KIF2A: variants seen among roughly 807,000 people sequenced by gnomAD.
KIF2A encodes the protein kinesin-like protein KIF2A.
A neutral mutation model predicts 100.2 loss-of-function variants in KIF2A; 22 were observed. The ratio of observed to expected loss-of-function variants is 0.22; its 90% CI spans 0.16 to 0.31. KIF2A has a LOEUF of 0.31. KIF2A is among the 10% of genes least tolerant of loss of function. The pLI is 1.00. For synonymous variants in KIF2A, 268 were observed against 285.9 expected (o/e 0.94, Z 0.63); for missense variants, 495 against 898.7 (o/e 0.55, Z 5.74).
intron 17 of KIF2A, 65 bp from the exon 18 acceptor site, chr5:62,373,622 G>T (rs1056310269): frequency 2.6e-5 from 30 of 1,146,666 alleles, no homozygotes; most frequent in Non-Finnish European, 3.8e-5. Flanking sequence ...TATTGAATAG[G>T]CTGGTATTTT....
At chr5:62,331,600 A>C (rs1277140115) in intron 1 of KIF2A, among the ~76,000 whole-genome samples, 3 of 152,194 alleles carry the variant, frequency 2.0e-5, no homozygotes, top group Non-Finnish European at 2.9e-5. Flanking sequence ...AAGAAAAAAA[A>C]CAAAATTATA....
At chr5:62,333,294 C>T (rs1443662815) in intron 1 of KIF2A, among the ~76,000 whole-genome samples, 1 of 152,140 alleles carries the variant, frequency 6.6e-6, no homozygotes, top group African/African-American at 2.4e-5. Context: ...GATTGGGGAG[C>T]TATTCTGCAG....
chr5:62,380,145 C>A (rs969036088), intron 19 of KIF2A, among the ~76,000 whole-genome samples: 15 of 152,208 alleles, frequency 9.9e-5, no homozygotes, highest in Non-Finnish European at 2.1e-4. Context: ...CCACTTGCCT[C>A]AGCCTTCTGA....
At chr5:62,372,590 C>CT (rs1444890712) in intron 17 of KIF2A, 39 bp downstream of exon 17, 1 of 1,125,918 alleles carries the variant, frequency 8.9e-7, no homozygotes, top group Non-Finnish European at 1.3e-6. Flanking sequence ...TATTTGTATA[C>CT]TTTCTTTTGA....
intron 18 of KIF2A, 29 bp from the exon 19 acceptor site, chr5:62,377,632 C>T: frequency 1.6e-6 from 2 of 1,250,230 alleles, no homozygotes; most frequent in Non-Finnish European, 2.2e-6. Context: ...CACACTATAT[C>T]ATAATTTCTT....
chr5:62,336,839 G>A (rs1176001299), intron 1 of KIF2A, among the ~76,000 whole-genome samples: 1 of 152,138 alleles, frequency 6.6e-6, no homozygotes, highest in Non-Finnish European at 1.5e-5. Context: ...ACGAAGTCAG[G>A]TTTATTCTTG....
intron 6 of KIF2A, among the ~76,000 whole-genome samples, 163 bp from the exon 7 acceptor site, chr5:62,354,996 C>T (rs1034541100): frequency 6.6e-6 from 1 of 152,058 alleles, no homozygotes; most frequent in African/African-American, 2.4e-5. Flanking sequence ...TGGTTCAGAG[C>T]TTATTATGAA....
chr5:62,368,082 G>A (rs1741161061), intron 16 of KIF2A, among the ~76,000 whole-genome samples: 1 of 151,974 alleles, frequency 6.6e-6, no homozygotes, highest in Non-Finnish European at 1.5e-5. Context: ...TTAATTAAAT[G>A]GATAATGGAT....
chr5:62,340,593 C>CG (rs398108990), intron 1 of KIF2A, among the ~76,000 whole-genome samples: 1 of 151,832 alleles, frequency 6.6e-6, no homozygotes, highest in African/African-American at 2.4e-5. Flanking sequence ...TGTTCTCCCC[C>CG]TAGTGGCATC....
At chr5:62,327,595 C>T (rs1466672941) in intron 1 of KIF2A, among the ~76,000 whole-genome samples, 2 of 152,250 alleles carry the variant, frequency 1.3e-5, no homozygotes, top group African/African-American at 2.4e-5. Context: ...AAACCAAACT[C>T]ATAATCTGAC....
chr5:62,356,503 C>T (rs1748113174), intron 7 of KIF2A, among the ~76,000 whole-genome samples: 1 of 152,136 alleles, frequency 6.6e-6, no homozygotes, highest in Non-Finnish European at 1.5e-5. Flanking sequence ...AAATTAGACC[C>T]ACAGGCCATA....
At chr5:62,323,658 T>C (rs1034094627) in intron 1 of KIF2A, among the ~76,000 whole-genome samples, 2 of 152,206 alleles carry the variant, frequency 1.3e-5, no homozygotes, top group Non-Finnish European at 2.9e-5. Context: ...GAAGTGGCAG[T>C]GGGATTGGCC....
In KIF2A at chr5:62,362,463, T is replaced by C; in HGVS notation, c.1041T>C (p.Phe347=). 1 of 1,443,002 alleles carries C rather than the reference T, an allele frequency of 6.9e-7. No individual in the cohort carries two copies. The highest frequency in any genetic ancestry group is 1.6e-5 in the South Asian group (1 of 61,554). The allele number at this position is 1,443,002 out of a possible 1,614,324, so 89.4% of individuals were successfully genotyped here. Residue 347 remains phenylalanine (F), a synonymous_variant, in exon 12 of 21, where the codon TTT becomes TTC. Coordinates refer to ENST00000407818, the MANE Select transcript of KIF2A (RefSeq NM_001098511.3). Reference sequence around the variant, plus strand: ...AATTTTTGACAGCTCGAGATGTCTTTTTAATGCTAAAGAAGCCAAACTATA... The same window carrying C: ...AATTTTTGACAGCTCGAGATGTCTTCTTAATGCTAAAGAAGCCAAACTATA... ...GIYALAARDV[F]LMLKKPNYKK... is the part of the protein sequence containing the mutation.
chr5:62,377,816 T>C (rs1322815702), intron 19 of KIF2A, 54 bp downstream of exon 19: 1 of 976,862 alleles, frequency 1.0e-6, no homozygotes, highest in African/African-American at 1.6e-5. Flanking sequence ...AATTAAGAAT[T>C]TGTCATAATT....
At chr5:62,381,506 T>G (rs1741770661) in intron 20 of KIF2A, among the ~76,000 whole-genome samples, 1 of 152,200 alleles carries the variant, frequency 6.6e-6, no homozygotes, top group African/African-American at 2.4e-5. Context: ...TTTAACAAAT[T>G]TATAAATTTT....
Position 62,352,583 on chromosome 5 carries a change from TACA to T in KIF2A, c.335-4_335-2del. Reference sequence around the variant, plus strand: ...GAATTTAAAATTTTTTTTTTTTACTTACAGTGGTTGGTTCAGCACGTGCACGGC... The same window carrying T: ...GAATTTAAAATTTTTTTTTTTTACTTGTGGTTGGTTCAGCACGTGCACGGC... On this transcript the variant is annotated splice_acceptor_variant and splice_polypyrimidine_tract_variant and intron_variant, in intron 4 of 20. Transcript: ENST00000407818. LOFTEE classifies it high-confidence loss of function. 1 of 1,522,528 alleles carries T rather than the reference TACA, an allele frequency of 6.6e-7. No homozygotes were observed. Among genetic ancestry groups the T allele is most frequent in the Non-Finnish European group, 8.8e-7 (1 of 1,137,604 alleles). 94.3% of individuals were successfully genotyped at this position (1,522,528 alleles called of 1,614,324 possible).
rs1205884460 is a variant in KIF2A, at chr5:62,387,074, A to T, written c.*1505A>T. Among the ~76,000 whole-genome samples the T allele has an allele frequency of 6.6e-6, 1 of 152,226 alleles. No homozygotes were observed. Among genetic ancestry groups the T allele is most frequent in the Non-Finnish European group, 1.5e-5 (1 of 68,036 alleles). On this transcript the variant is annotated 3_prime_UTR_variant, in exon 21 of 21. Transcript: ENST00000407818. ...TCTTTACTGTTCATAAAACCCAGAGAGTAGTTGTGAAAGATCCTAATACAA... is the reference window on the plus strand; with the variant it reads ...TCTTTACTGTTCATAAAACCCAGAGTGTAGTTGTGAAAGATCCTAATACAA...
At position 62,388,661 on chromosome 5, in the gene KIF2A, C is replaced by T. The variant is rs1028880614; in HGVS notation, c.*3092C>T. ...CTTTTTTATTACTGGAGGAACAGAG[C>T]TAAAGGCCTAAAGAAGGCCTTACAG... is the stretch of plus-strand genomic sequence containing the variant. On this transcript the variant is annotated 3_prime_UTR_variant, in exon 21 of 21. Transcript: ENST00000407818. 1 of 196,478 alleles carries T rather than the reference C, an allele frequency of 5.1e-6. No individual in the cohort carries two copies. The highest frequency in any genetic ancestry group is 1.0e-5 in the Non-Finnish European group (1 of 97,506). The allele number at this position is 196,478 out of a possible 1,614,324, so 12.2% of individuals were successfully genotyped here. A position where few individuals can be genotyped will look rare whatever the true frequency, so the allele number is the denominator to read the frequency against.
chr5:62,370,433 A>T (rs139082649), intron 16 of KIF2A, among the ~76,000 whole-genome samples: 6,597 of 152,080 alleles, frequency 0.043, 448 homozygotes, highest in African/African-American at 0.15. Context: ...AGCTGGGATT[A>T]CAGGCGCCCG....
Sources: gnomAD v4.1 joint callset for allele counts (sites outside exome capture counted in the v4.1 genomes callset) on GRCh38, gnomAD v4.1.1 for gene constraint, MANE v1.5 for transcripts, NCBI Gene and HGNC (gene_info 2026-07-23, HGNC 2026-07-21) for gene names.